Variants in FADS1 observed in about 807,000 individuals in gnomAD.
FADS1 encodes fatty acid desaturase 1, also known as acyl-CoA (8-3)-desaturase.
In FADS1, 17 loss-of-function variants were observed where a neutral mutation model predicts 61.6. The ratio of observed to expected loss-of-function variants is 0.28; its 90% CI spans 0.19 to 0.41. The LOEUF is 0.41. Among genes scored for constraint, FADS1 ranks in the 10% least tolerant of loss-of-function variants. The probability of loss-of-function intolerance (pLI) is 1.00; values close to 1 mark genes in which losing one functional copy is unlikely to be tolerated. For missense variants in FADS1, 387 were observed against 650.9 expected, an observed-to-expected ratio of 0.59 and a Z score of 4.41; for synonymous variants, 238 against 258.7, an observed-to-expected ratio of 0.92 and a Z score of 0.77.
Position 61,802,744 on chromosome 11 carries a change from C to T in FADS1, c.1454+57G>A. The T allele has an allele frequency of 1.2e-6, 2 of 1,610,608 alleles. No individual in the cohort carries two copies. Among genetic ancestry groups the T allele is most frequent in the Non-Finnish European group, 1.7e-6 (2 of 1,178,310 alleles). On this transcript the variant is annotated intron_variant, in intron 11 of 11. Transcript: ENST00000350997. The surrounding 1 kb of genome is among the most constrained non-coding windows in gnomAD (Gnocchi z 4.2). ...CTCCCCACCCTACATGTCATCATTT[C>T]CATTGCCCTGCCCTCTTCCCTCCCT...
chr11:61,815,239 C>T lies in FADS1; in HGVS notation c.375+1316G>A, dbSNP rs1481697410. ...ATCGCCGTCCCCGCCGCGGCATTCC[C>T]GGCCCCAAATCACACTGCGGGAAGC... On this transcript the variant is annotated intron_variant, in intron 1 of 11. Transcript: ENST00000350997. This position sits in a 1 kb window ranked among gnomAD's most constrained non-coding sequence, Gnocchi z 6.4. 1.2e-5 allele frequency: 2 copies of T among 167,222 alleles called. No homozygotes were observed. Among genetic ancestry groups the T allele is most frequent in the Non-Finnish European group, 1.5e-5 (1 of 68,334 alleles). 10.4% of individuals were successfully genotyped at this position (167,222 alleles called of 1,614,324 possible).
Position 61,799,761 on chromosome 11 carries a change from A to G in FADS1, c.*2650T>C, listed in dbSNP as rs1198295264. On this transcript the variant is annotated 3_prime_UTR_variant, in exon 12 of 12. Transcript: ENST00000350997. ...CAGGTTGTAAAAAAGTGAAAGTAAC[A>G]AAGATAAACATAGAAGTTGGAGTTG... 6.6e-6 allele frequency: 1 copy of G among 152,562 alleles called. No individual in the cohort carries two copies. Among genetic ancestry groups the G allele is most frequent in the African/African-American group, 2.4e-5 (1 of 41,470 alleles). 9.5% of individuals were successfully genotyped at this position (152,562 alleles called of 1,614,324 possible). A position where few individuals can be genotyped will look rare whatever the true frequency, so the allele number is the denominator to read the frequency against.
At chr11:61,812,750 G>C (rs1446936036) in intron 2 of FADS1, 82 bp from the exon 3 acceptor site, 3 of 1,269,064 alleles carry the variant, frequency 2.4e-6, no homozygotes, top group Non-Finnish European at 3.4e-6. Context: ...CAGGCTCAAG[G>C]ACCTCCCACT....
chr11:61,804,068 G>C, intron 7 of FADS1: 1 of 458,968 alleles, frequency 2.2e-6, no homozygotes, highest in Non-Finnish European at 4.0e-6. Context: ...GAATCTGCCA[G>C]GACCATGGCT....
chr11:61,806,924 A>G (rs1005967986), intron 5 of FADS1, among the ~76,000 whole-genome samples, 200 bp from the exon 6 acceptor site: 1 of 152,160 alleles, frequency 6.6e-6, no homozygotes, highest in Non-Finnish European at 1.5e-5. Context: ...AGTGTGTCAC[A>G]CCATGGCCTG....
At chr11:61,814,657 G>A (rs2135941556) in intron 1 of FADS1, 1 of 152,330 alleles carries the variant, frequency 6.6e-6, no homozygotes, top group South Asian at 2.1e-4. Flanking sequence ...TGCAGCAGCT[G>A]GCTGGGGTGG....
chr11:61,813,121 C>T (rs768392445), intron 2 of FADS1, 122 bp downstream of exon 2: 11 of 746,262 alleles, frequency 1.5e-5, no homozygotes, highest in Non-Finnish European at 2.6e-5. Context: ...GACCTCAAGA[C>T]TCCCCAGAGC....
At chr11:61,806,579 A>G (rs545063862) in intron 6 of FADS1, 85 bp downstream of exon 6, 53 of 1,257,340 alleles carry the variant, frequency 4.2e-5, no homozygotes, top group South Asian at 1.7e-4. Flanking sequence ...TTAAAATACC[A>G]TAATCCCTTG....
intron 1 of FADS1, chr11:61,813,644 G>A: frequency 5.9e-6 from 2 of 337,160 alleles, no homozygotes; most frequent in African/African-American, 4.3e-5. Flanking sequence ...AAATCAGCAG[G>A]ACATGGGCAG....
Position 61,816,814 on chromosome 11 carries a change from G to T in FADS1, c.116C>A (p.Pro39Gln), listed in dbSNP as rs555414942. The change falls in exon 1 of 12, where the codon CCG (proline) becomes CAG (glutamine). Residue 39 changes from proline (P) to glutamine (Q), a missense_variant. Pro to Gln is a moderately conservative substitution (Grantham distance 76). Coordinates refer to ENST00000350997, the MANE Select transcript of FADS1 (RefSeq NM_013402.7). This position sits in a 1 kb window ranked among gnomAD's most constrained non-coding sequence, Gnocchi z 7.0. The stretch of plus-strand genomic sequence containing the variant: ...AGCAGGGGCTGTCAGGCGCGTGCTC[G>T]GGGTCCGCGGGCTCCAGGAGTGGAT... ...QQIHSWSPRT[P>Q]STRLTAPAGP... 4.7e-6 allele frequency: 7 copies of T among 1,493,058 alleles called. No individual in the cohort carries two copies. The highest frequency in any genetic ancestry group is 6.2e-6 in the Non-Finnish European group (7 of 1,131,924). The allele number at this position is 1,493,058 out of a possible 1,614,324, so 92.5% of individuals were successfully genotyped here.
chr11:61,816,215 C>T lies in FADS1; in HGVS notation c.375+340G>A. On this transcript the variant is annotated intron_variant, in intron 1 of 11. Transcript: ENST00000350997. The surrounding 1 kb of genome is among the most constrained non-coding windows in gnomAD (Gnocchi z 7.0). Reference sequence around the variant, plus strand: ...CCAGGCGGCCTGCATCCTTGCTCTCCTCCCTCCTAGCCTACCCAGCTCGGG... The same window carrying T: ...CCAGGCGGCCTGCATCCTTGCTCTCTTCCCTCCTAGCCTACCCAGCTCGGG... 2 of 1,574,234 alleles carry T rather than the reference C, an allele frequency of 1.3e-6. No individual in the cohort carries two copies. Among genetic ancestry groups the T allele is most frequent in the East Asian group, 2.2e-5 (1 of 44,704 alleles).
chr11:61,803,266 A>G lies in FADS1; in HGVS notation c.1248+97T>C. On this transcript the variant is annotated intron_variant, in intron 9 of 11. Coordinates refer to ENST00000350997, the MANE Select transcript of FADS1 (RefSeq NM_013402.7). This position sits in a 1 kb window ranked among gnomAD's most constrained non-coding sequence, Gnocchi z 4.3. ...ACAAGAGCCTCAGGCTAATGAGAAA[A>G]TGCTGTTTGGGGGACTTTTTGTTTT... The G allele has an allele frequency of 1.6e-6, 2 of 1,278,108 alleles. No homozygotes were observed. Among genetic ancestry groups the G allele is most frequent in the African/African-American group, 2.9e-5 (2 of 68,464 alleles). The allele number at this position is 1,278,108 out of a possible 1,614,324, so 79.2% of individuals were successfully genotyped here. A position where few individuals can be genotyped will look rare whatever the true frequency, so the allele number is the denominator to read the frequency against.
intron 2 of FADS1, 66 bp from the exon 3 acceptor site, chr11:61,812,734 C>T: frequency 6.9e-7 from 1 of 1,454,290 alleles, no homozygotes; most frequent in Non-Finnish European, 9.5e-7. Context: ...GAGACAAGGG[C>T]CCTCTCAGGC....
At position 61,802,831 on chromosome 11, in the gene FADS1, G is replaced by A; in HGVS notation, c.1424C>T (p.Pro475Leu). 1 of 1,614,208 alleles carries A rather than the reference G, an allele frequency of 6.2e-7. No homozygotes were observed. The highest frequency in any genetic ancestry group is 1.3e-5 in the African/African-American group (1 of 75,042). Residue 475 changes from proline to leucine, a missense_variant, in exon 11 of 12, where the codon CCC becomes CTC. By Grantham distance (98) the Pro-to-Leu change is moderately conservative. This residue lies in a region of FADS1 where 257 missense variants were observed against 533.3 expected (regional missense o/e 0.48). Coordinates refer to ENST00000350997, the MANE Select transcript of FADS1 (RefSeq NM_013402.7). The surrounding 1 kb of genome is among the most constrained non-coding windows in gnomAD (Gnocchi z 4.2). The stretch of plus-strand genomic sequence containing the variant: ...GATGTCGGCGAAGGCTGACAGCAGG[G>A]GCTTGGACTGGTACTCTATGCCATG... The part of the protein sequence containing the change: ...AKHGIEYQSK[P>L]LLSAFADIIH...
Position 61,816,353 on chromosome 11 carries a change from A to G in FADS1, c.375+202T>C. 1.9e-6 allele frequency: 3 copies of G among 1,598,326 alleles called. No individual in the cohort carries two copies. The highest frequency in any genetic ancestry group is 1.3e-5 in the African/African-American group (1 of 75,016). ...TTGTTGGCCTCCATCCCCACTCCCCAGACTCCACTTCTCCAGGCCTCTCTC... is the reference window on the plus strand; with the variant it reads ...TTGTTGGCCTCCATCCCCACTCCCCGGACTCCACTTCTCCAGGCCTCTCTC... On this transcript the variant is annotated intron_variant, in intron 1 of 11. Transcript: ENST00000350997. The surrounding 1 kb of genome is among the most constrained non-coding windows in gnomAD (Gnocchi z 7.0).
chr11:61,804,693 T>G lies in FADS1; in HGVS notation c.1045A>C (p.Lys349Gln). 1 of 1,614,066 alleles carries G rather than the reference T, an allele frequency of 6.2e-7. No homozygotes were observed. The highest frequency in any genetic ancestry group is 8.5e-7 in the Non-Finnish European group (1 of 1,179,916). Residue 349 changes from lysine (K) to glutamine (Q), a missense_variant, in exon 7 of 12, where the codon AAG (lysine) becomes CAG (glutamine). Physicochemically the swap from Lys to Gln is moderately conservative, Grantham distance 53. This residue lies in a region of FADS1 where 257 missense variants were observed against 533.3 expected (regional missense o/e 0.48). Coordinates refer to ENST00000350997, the MANE Select transcript of FADS1 (RefSeq NM_013402.7). ...YIFYFVIQRKKWVDLAWMITF... is the reference protein window; with the variant it reads ...YIFYFVIQRKQWVDLAWMITF... The stretch of plus-strand genomic sequence containing the variant: ...GGGCCATGGATACTCACCACCCACT[T>G]CTTTCGCTGGATAACAAAATAGAAA...
In FADS1 at chr11:61,803,205, A is replaced by G. The variant is rs1279705833; in HGVS notation, c.1249-94T>C. ...TAAAGCTGGCTGAGGAAGGGACATG[A>G]GACTGTCTTGGTCACTCCCTTCACA... On this transcript the variant is annotated intron_variant, in intron 9 of 11. Coordinates refer to ENST00000350997, the MANE Select transcript of FADS1 (RefSeq NM_013402.7). The surrounding 1 kb of genome is among the most constrained non-coding windows in gnomAD (Gnocchi z 4.3). 9 of 1,336,190 alleles carry G rather than the reference A, an allele frequency of 6.7e-6. No homozygotes were observed. The Admixed American group carries it at 8.8e-5, about 13-fold the overall frequency. The allele number at this position is 1,336,190 out of a possible 1,614,324, so 82.8% of individuals were successfully genotyped here.
Position 61,802,363 on chromosome 11 carries a change from C to T in FADS1, c.*48G>A. 7.9e-6 allele frequency: 12 copies of T among 1,512,604 alleles called. No individual in the cohort carries two copies. Among genetic ancestry groups the T allele is most frequent in the Non-Finnish European group, 1.1e-5 (12 of 1,109,910 alleles). The allele number at this position is 1,512,604 out of a possible 1,614,324, so 93.7% of individuals were successfully genotyped here. On this transcript the variant is annotated 3_prime_UTR_variant, in exon 12 of 12. Coordinates refer to ENST00000350997, the MANE Select transcript of FADS1 (RefSeq NM_013402.7). The surrounding 1 kb of genome is among the most constrained non-coding windows in gnomAD (Gnocchi z 4.2). ...TCCCTCAAGCTCCCCTCTGCCTTGGCTCCAGAGTCTTCCTCCTCTTCTTCC... is the reference window on the plus strand; with the variant it reads ...TCCCTCAAGCTCCCCTCTGCCTTGGTTCCAGAGTCTTCCTCCTCTTCTTCC...
At chr11:61,812,433 G>A in intron 3 of FADS1, 38 bp downstream of exon 3, 1 of 1,596,008 alleles carries the variant, frequency 6.3e-7, no homozygotes, top group Non-Finnish European at 8.6e-7. Context: ...CAGGGATGCT[G>A]AGCATTGCTG....
Sources: gnomAD v4.1 joint callset for allele counts (sites outside exome capture counted in the v4.1 genomes callset) on GRCh38, gnomAD v4.1.1 for gene constraint, gnomAD v4.1.1 regional missense constraint, Gnocchi (gnomAD v3.1) non-coding constraint, MANE v1.5 for transcripts, NCBI Gene and HGNC (gene_info 2026-07-23, HGNC 2026-07-21) for gene names.